Variants in ARHGAP19 observed in about 807,000 individuals in gnomAD.
ARHGAP19 encodes the protein rho GTPase-activating protein 19.
In ARHGAP19, 48 loss-of-function variants were observed where a neutral mutation model predicts 60.9. The observed-to-expected ratio is 0.79, with a 90% CI of 0.62 to 1.00. ARHGAP19 has a LOEUF of 1.00. Among genes scored for constraint, ARHGAP19 ranks in the 50% least tolerant of loss-of-function variants. ARHGAP19 has a pLI of 0.00. For synonymous variants in ARHGAP19, 209 were observed against 215.5 expected (o/e 0.97, Z 0.27); for missense variants, 562 against 597.2 (o/e 0.94, Z 0.61).
intron 4 of ARHGAP19, among the ~76,000 whole-genome samples, chr10:97,262,629 C>T (rs1021665979): frequency 1.8e-4 from 28 of 152,230 alleles, no homozygotes; most frequent in African/African-American, 6.0e-4. Context: ...TGCACCATTG[C>T]GCTCCAGCCT....
chr10:97,253,256 T>C (rs1262723231), intron 6 of ARHGAP19, among the ~76,000 whole-genome samples: 1 of 151,884 alleles, frequency 6.6e-6, no homozygotes, highest in Non-Finnish European at 1.5e-5. Context: ...TGCGTGCCTG[T>C]AATCCCAGCT....
intron 8 of ARHGAP19, among the ~76,000 whole-genome samples, chr10:97,240,966 T>C (rs1842469966): frequency 1.3e-5 from 2 of 152,214 alleles, no homozygotes; most frequent in African/African-American, 4.8e-5. Flanking sequence ...ATAGTGAGCA[T>C]GTATAATTTT....
chr10:97,278,945 G>C (rs1055879978), intron 1 of ARHGAP19, among the ~76,000 whole-genome samples: 1 of 152,104 alleles, frequency 6.6e-6, no homozygotes, highest in African/African-American at 2.4e-5. Context: ...CACAACCTTG[G>C]CAAGATTTAT....
intron 1 of ARHGAP19, among the ~76,000 whole-genome samples, chr10:97,285,404 C>G (rs1843140966): frequency 1.3e-5 from 2 of 151,556 alleles, no homozygotes; most frequent in Admixed American, 6.6e-5. Flanking sequence ...GGCATTCTAG[C>G]TTATTGCAGC....
chr10:97,281,727 A>G (rs1413374991), intron 1 of ARHGAP19, among the ~76,000 whole-genome samples: 1 of 152,196 alleles, frequency 6.6e-6, no homozygotes, highest in Non-Finnish European at 1.5e-5. Flanking sequence ...AGATGATACA[A>G]GATCATTAAT....
chr10:97,228,049 A>AAAAACTC (rs1473071363), intron 11 of ARHGAP19, among the ~76,000 whole-genome samples: 2 of 152,244 alleles, frequency 1.3e-5, no homozygotes, highest in Non-Finnish European at 2.9e-5. Flanking sequence ...TTTAGACACA[A>AAAAACTC]AAAACTCAAA....
At chr10:97,248,767 G>A (rs368732569) in intron 6 of ARHGAP19, among the ~76,000 whole-genome samples, 2 of 152,230 alleles carry the variant, frequency 1.3e-5, no homozygotes, top group East Asian at 3.9e-4. Context: ...TGTAGAAGCC[G>A]GTTAACAAGG....
At chr10:97,264,719 C>T (rs1842875367) in intron 3 of ARHGAP19, 107 bp downstream of exon 3, 1 of 716,436 alleles carries the variant, frequency 1.4e-6, no homozygotes, top group Admixed American at 2.7e-5. Context: ...CTGGTTAGTT[C>T]CTTTGTTGAT....
rs780745702 is a variant in ARHGAP19, at chr10:97,246,350, T to A, written c.928-13A>T. 2 of 1,610,812 alleles carry A rather than the reference T, an allele frequency of 1.2e-6. No homozygotes were observed. Among genetic ancestry groups the A allele is most frequent in the South Asian group, 2.2e-5 (2 of 90,882 alleles). Reference sequence around the variant, plus strand: ...TGTAAGCAGGAGCCTGGGCAGGACATAAAAGAAAACCAAAACCCAGTGATT... The same window carrying A: ...TGTAAGCAGGAGCCTGGGCAGGACAAAAAAGAAAACCAAAACCCAGTGATT... On this transcript the variant is annotated splice_polypyrimidine_tract_variant and intron_variant, in intron 6 of 11. Transcript: ENST00000358531.
chr10:97,246,269 T>C lies in ARHGAP19; in HGVS notation c.993+3A>G. 3 of 1,613,018 alleles carry C rather than the reference T, an allele frequency of 1.9e-6. No homozygotes were observed. Among genetic ancestry groups the C allele is most frequent in the Non-Finnish European group, 2.5e-6 (3 of 1,179,100 alleles). On this transcript the variant is annotated splice_donor_region_variant and intron_variant, in intron 7 of 11. Transcript: ENST00000358531. ...TGGGTTAAGAGCAGATTCCTATTCT[T>C]ACCTTTGATGCCTGAGTTCTGGATC...
intron 8 of ARHGAP19, among the ~76,000 whole-genome samples, chr10:97,242,893 A>T (rs1288030641): frequency 6.6e-6 from 1 of 151,362 alleles, no homozygotes; most frequent in Non-Finnish European, 1.5e-5. Flanking sequence ...CAGGTGATCC[A>T]CCCGCCTAGG....
chr10:97,226,243 G>A (rs1554860092), intron 11 of ARHGAP19, 111 bp from the exon 12 acceptor site: 3 of 1,072,970 alleles, frequency 2.8e-6, no homozygotes, highest in Non-Finnish European at 4.1e-6. Flanking sequence ...CCAAACTGAA[G>A]GCTAATGAGT....
intron 9 of ARHGAP19, among the ~76,000 whole-genome samples, chr10:97,232,240 T>G (rs1207901441): frequency 1.4e-5 from 2 of 141,772 alleles, no homozygotes; most frequent in African/African-American, 5.3e-5. Context: ...CTCGGCTCAC[T>G]GCAACCTCTG....
At chr10:97,257,622 C>G (rs572702130) in intron 5 of ARHGAP19, among the ~76,000 whole-genome samples, 137 of 152,140 alleles carry the variant, frequency 9.0e-4, no homozygotes, top group Non-Finnish European at 8.7e-4. Flanking sequence ...ACAGTTTGCT[C>G]ACTGCTTTTC....
chr10:97,253,555 A>G (rs10882883), intron 6 of ARHGAP19, among the ~76,000 whole-genome samples: 75,249 of 151,880 alleles, frequency 0.5, 20,800 homozygotes, highest in East Asian at 0.71. Context: ...GATAGAAGAA[A>G]TATGTTCTAA....
chr10:97,257,100 G>A (rs1395293398), intron 5 of ARHGAP19, among the ~76,000 whole-genome samples: 1 of 151,910 alleles, frequency 6.6e-6, no homozygotes, highest in East Asian at 1.9e-4. Context: ...CAGCCTGGGC[G>A]ACAAAGCAAG....
At chr10:97,286,135 A>G (rs915318785) in intron 1 of ARHGAP19, among the ~76,000 whole-genome samples, 3 of 152,248 alleles carry the variant, frequency 2.0e-5, no homozygotes, top group African/African-American at 7.2e-5. Context: ...TACCCTTCAG[A>G]TAGAATTTAA....
At chr10:97,270,525 A>G (rs1842948376) in intron 1 of ARHGAP19, 7 of 1,178,676 alleles carry the variant, frequency 5.9e-6, no homozygotes, top group African/African-American at 1.6e-5. Flanking sequence ...ACTATATTTA[A>G]GCAAAAACAA....
chr10:97,280,845 C>G (rs1332210879), intron 1 of ARHGAP19, among the ~76,000 whole-genome samples: 1 of 152,132 alleles, frequency 6.6e-6, no homozygotes, highest in Non-Finnish European at 1.5e-5. Context: ...TCAGCCTCCC[C>G]AAGTGCTGGC....
Sources: gnomAD v4.1 joint callset for allele counts (sites outside exome capture counted in the v4.1 genomes callset) on GRCh38, gnomAD v4.1.1 for gene constraint, MANE v1.5 for transcripts, NCBI Gene and HGNC (gene_info 2026-07-23, HGNC 2026-07-21) for gene names.